The following TRMT10B variants were observed in gnomAD, a reference collection of about 807,000 sequenced individuals.
TRMT10B encodes the protein tRNA methyltransferase 10B, also known as tRNA methyltransferase 10 homolog B.
In TRMT10B, 33 loss-of-function variants were observed where a neutral mutation model predicts 43.8. The observed-to-expected ratio is 0.75, with a 90% CI of 0.57 to 1.01. TRMT10B has a LOEUF of 1.01. Ranked by LOEUF, TRMT10B falls within the 50% of genes least tolerant of loss-of-function variation. The pLI, the probability that TRMT10B is intolerant of heterozygous loss-of-function variation, is 0.00. For missense variants in TRMT10B, 362 were observed against 369.8 expected (o/e 0.98, Z 0.17); for synonymous variants, 137 against 130.6 (o/e 1.05, Z -0.34).
intron 4 of TRMT10B, among the ~76,000 whole-genome samples, chr9:37,765,600 C>G (rs1461282943): frequency 6.6e-6 from 1 of 152,056 alleles, no homozygotes; most frequent in Non-Finnish European, 1.5e-5. Flanking sequence ...GGGTATATAC[C>G]CAGTAATGGG....
chr9:37,759,348 T>C (rs1466621277), intron 1 of TRMT10B, among the ~76,000 whole-genome samples: 4 of 152,138 alleles, frequency 2.6e-5, no homozygotes, highest in Non-Finnish European at 5.9e-5. Flanking sequence ...CTCAAATATT[T>C]TGAGGGGAAA....
Position 37,757,948 on chromosome 9 carries a change from AAAC to A in TRMT10B, c.-29-3951_-29-3949del, listed in dbSNP as rs749313191. On this transcript the variant is annotated intron_variant, in intron 1 of 8. Transcript: ENST00000297994. Reference sequence around the variant, plus strand: ...CCTATTTTAAGTGTGTCTAAACTGAAAACAACTAAAGTTTGGCCCAATTTTGAG... The same window carrying A: ...CCTATTTTAAGTGTGTCTAAACTGAAAACTAAAGTTTGGCCCAATTTTGAG... 2.6e-5 allele frequency among the ~76,000 whole-genome samples: 4 copies of A among 151,876 alleles called. No homozygotes were observed. In the East Asian group the frequency reaches 7.7e-4, roughly 29 times the overall value.
chr9:37,775,339 G>T (rs1328849957), intron 7 of TRMT10B, among the ~76,000 whole-genome samples: 1 of 152,100 alleles, frequency 6.6e-6, no homozygotes, highest in African/African-American at 2.4e-5. Flanking sequence ...CTTTAATCCT[G>T]AAGTCTTAGG....
Position 37,777,491 on chromosome 9 carries a change from A to C in TRMT10B, c.845-110A>C, listed in dbSNP as rs998222887. 5.7e-6 allele frequency: 5 copies of C among 880,698 alleles called. No individual in the cohort carries two copies. The Admixed American group carries it at 1.0e-4, about 18-fold the overall frequency. The allele number at this position is 880,698 out of a possible 1,614,324, so 54.6% of individuals were successfully genotyped here. A position where few individuals can be genotyped will look rare whatever the true frequency, so the allele number is the denominator to read the frequency against. On this transcript the variant is annotated intron_variant, in intron 8 of 8. Transcript: ENST00000297994. ...TCTCCCCGCAAGACCTTAGTACCAC[A>C]TATGGTGCAGAATAGGTTTGTTGAA...
chr9:37,761,130 C>G (rs1456609508), intron 1 of TRMT10B, among the ~76,000 whole-genome samples: 2 of 152,306 alleles, frequency 1.3e-5, no homozygotes, highest in Non-Finnish European at 2.9e-5. Context: ...TCATGTCACT[C>G]TACTATATAC....
intron 1 of TRMT10B, among the ~76,000 whole-genome samples, chr9:37,756,582 C>T (rs550035594): frequency 5.9e-5 from 9 of 151,682 alleles, no homozygotes; most frequent in Admixed American, 2.6e-4. Flanking sequence ...GGTGCGTGCC[C>T]GTAGACCCAG....
At chr9:37,753,991 A>C (rs993589234) in intron 1 of TRMT10B, 139 bp downstream of exon 1, 1 of 152,310 alleles carries the variant, frequency 6.6e-6, no homozygotes, top group East Asian at 1.9e-4. Flanking sequence ...CACCTTCCTG[A>C]TACTTTCCCT....
At position 37,761,421 on chromosome 9, in the gene TRMT10B, G is replaced by T. The variant is rs530328087; in HGVS notation, c.-29-482G>T. 5.3e-3 allele frequency among the ~76,000 whole-genome samples: 814 copies of T among 152,284 alleles called. 9 individuals are homozygous for T. The highest frequency in any genetic ancestry group is 0.019 in the African/African-American group (775 of 41,560). ...TCCTCTAAGAAGTGTATCTGGGGCT[G>T]GGTGCAGTGGCTCATGCCTGTAATC... On this transcript the variant is annotated intron_variant, in intron 1 of 8. Transcript: ENST00000297994.
chr9:37,776,461 CA>C lies in TRMT10B; in HGVS notation c.844+57del, dbSNP rs1371014122. On this transcript the variant is annotated intron_variant, in intron 8 of 8. Transcript: ENST00000297994. The stretch of plus-strand genomic sequence containing the variant: ...TGTGAGTTCTGGTGCTGCTGCTTTG[CA>C]CTGTGTTTAAGTGGCCTTTGAGTCA... 4 of 1,555,182 alleles carry C rather than the reference CA, an allele frequency of 2.6e-6. No homozygotes were observed. The African/African-American group carries it at 5.5e-5, about 21-fold the overall frequency.
At chr9:37,768,308 A>G in intron 5 of TRMT10B, 80 bp downstream of exon 5, 2 of 1,426,422 alleles carry the variant, frequency 1.4e-6, no homozygotes, top group Non-Finnish European at 1.9e-6. Flanking sequence ...TTACTTTTTC[A>G]TATATGTTAC....
chr9:37,766,218 C>A (rs1003675755), intron 4 of TRMT10B, among the ~76,000 whole-genome samples: 2 of 152,162 alleles, frequency 1.3e-5, no homozygotes, highest in Admixed American at 1.3e-4. Flanking sequence ...TTAGGTCTAA[C>A]ATTTAAGTCT....
chr9:37,765,930 G>GTTTT (rs36167672), intron 4 of TRMT10B, among the ~76,000 whole-genome samples: 4 of 143,346 alleles, frequency 2.8e-5, no homozygotes, highest in South Asian at 2.2e-4. Flanking sequence ...TTTTTGATGG[G>GTTTT]TTTTTTTTTT....
intron 1 of TRMT10B, among the ~76,000 whole-genome samples, chr9:37,756,488 C>T (rs938430721): frequency 2.0e-5 from 3 of 151,814 alleles, no homozygotes; most frequent in Admixed American, 6.6e-5. Flanking sequence ...GGGTGGATCA[C>T]TTGGGTCAGG....
intron 5 of TRMT10B, 36 bp downstream of exon 5, chr9:37,768,264 C>T: frequency 6.4e-7 from 1 of 1,567,410 alleles, no homozygotes; most frequent in Non-Finnish European, 8.7e-7. Flanking sequence ...GAATTGTCAT[C>T]TGAAAAGTTA....
In TRMT10B at chr9:37,762,678, A is replaced by ATG; in HGVS notation, c.288_289insTG (p.Asn97Ter). 6.3e-7 allele frequency: 1 copy of ATG among 1,581,302 alleles called. No individual in the cohort carries two copies. Among genetic ancestry groups the ATG allele is most frequent in the Non-Finnish European group, 8.6e-7 (1 of 1,161,944 alleles). On this transcript the variant is annotated frameshift_variant, in exon 3 of 9. Transcript: ENST00000297994. LOFTEE classifies it high-confidence loss of function. ...AACGAAGAAAAGCCAATCGTGCAGA[A>ATG]AATCCAGGTGACAATAAATGAGACT...
chr9:37,760,359 T>C (rs747890349), intron 1 of TRMT10B, among the ~76,000 whole-genome samples: 2 of 152,190 alleles, frequency 1.3e-5, no homozygotes, highest in Non-Finnish European at 2.9e-5. Flanking sequence ...CCCCTATCTC[T>C]ACAGAAAATT....
chr9:37,778,019 TAAAAA>T lies in TRMT10B; in HGVS notation c.*317_*321del. 1 of 203,820 alleles carries T rather than the reference TAAAAA, an allele frequency of 4.9e-6. No individual in the cohort carries two copies. Among genetic ancestry groups the T allele is most frequent in the Non-Finnish European group, 9.9e-6 (1 of 100,610 alleles). 12.6% of individuals were successfully genotyped at this position (203,820 alleles called of 1,614,324 possible). A position where few individuals can be genotyped will look rare whatever the true frequency, so the allele number is the denominator to read the frequency against. ...GACTCCATCTCAAAAAAAAAATAAA[TAAAAA>T]AAAATGCAGCTGCAGGAGTGAGGCG... On this transcript the variant is annotated 3_prime_UTR_variant, in exon 9 of 9. Transcript: ENST00000297994.
At chr9:37,762,866 C>T (rs1454515591) in intron 3 of TRMT10B, among the ~76,000 whole-genome samples, 181 bp downstream of exon 3, 1 of 151,630 alleles carries the variant, frequency 6.6e-6, no homozygotes, top group Non-Finnish European at 1.5e-5. Flanking sequence ...GGTGTGGTGG[C>T]TCACACCTGT....
Position 37,775,020 on chromosome 9 carries a change from A to G in TRMT10B, c.721-1262A>G, listed in dbSNP as rs79390759. On this transcript the variant is annotated intron_variant, in intron 7 of 8. Transcript: ENST00000297994. The stretch of plus-strand genomic sequence containing the variant: ...TGAATGGCCATCTTTTGGAAGGGCC[A>G]TCTTACTTGCATGGTTTGGCCTTGG... Among the ~76,000 whole-genome samples the G allele has an allele frequency of 7.7e-3, 1,167 of 152,370 alleles. 12 individuals are homozygous for G. The highest frequency in any genetic ancestry group is 0.026 in the African/African-American group (1,073 of 41,588).
Sources: allele counts gnomAD v4.1 joint callset (sites outside exome capture counted in the v4.1 genomes callset), GRCh38; gene constraint gnomAD v4.1.1; transcripts MANE v1.5; gene names NCBI Gene and HGNC (gene_info 2026-07-23, HGNC 2026-07-21).